The following CNTN6 variants were observed in gnomAD, a reference collection of about 807,000 sequenced individuals.
CNTN6 encodes the protein contactin 6.
Under a neutral mutation model 122.8 loss-of-function variants are expected in CNTN6, and 137 were observed. That is an observed-to-expected ratio of 1.12 (90% confidence interval 0.97 to 1.29). CNTN6 has a LOEUF of 1.29. Among genes scored for constraint, CNTN6 ranks in the 50% most tolerant of loss-of-function variants. CNTN6 has a pLI of 0.00. For synonymous variants in CNTN6, 570 were observed against 426.0 expected (o/e 1.34, Z -4.16); for missense variants, 1,634 against 1,223.4 (o/e 1.34, Z -5.01).
intron 4 of CNTN6, among the ~76,000 whole-genome samples, chr3:1,253,323 G>A (rs886241600): frequency 2.0e-5 from 3 of 152,020 alleles, no homozygotes; most frequent in Admixed American, 6.6e-5. Context: ...CTTGTTCTGC[G>A]AAAATTTGAG....
At chr3:1,204,139 A>T (rs1027864648) in intron 2 of CNTN6, among the ~76,000 whole-genome samples, 1 of 152,096 alleles carries the variant, frequency 6.6e-6, no homozygotes, top group Non-Finnish European at 1.5e-5. Context: ...ACTTTTTCCA[A>T]ATGTTTATGT....
At chr3:1,303,905 A>G (rs17037417) in intron 7 of CNTN6, among the ~76,000 whole-genome samples, 94,999 of 152,032 alleles carry the variant, frequency 0.62, 34,054 homozygotes, top group East Asian at 1. Context: ...GAATGCTTCA[A>G]ATGTTCACCA....
intron 2 of CNTN6, among the ~76,000 whole-genome samples, chr3:1,176,624 A>G (rs1013710212): frequency 2.6e-5 from 4 of 152,228 alleles, no homozygotes; most frequent in African/African-American, 9.6e-5. Flanking sequence ...ATTCAAGTAT[A>G]TAGAGAAGTT....
In CNTN6 at chr3:1,369,201, C is replaced by G. The variant is rs73094923; in HGVS notation, c.1493-3098C>G. 3.8e-3 allele frequency among the ~76,000 whole-genome samples: 584 copies of G among 152,268 alleles called. 2 individuals carry two copies. The highest frequency in any genetic ancestry group is 0.013 in the African/African-American group (554 of 41,538). ...CTTTTACTTCTCAGCGAAAACAGTT[C>G]TTTCTCCATAAACTGATCCCCTCAG... On this transcript the variant is annotated intron_variant, in intron 12 of 22. Coordinates refer to ENST00000446702, the MANE Select transcript of CNTN6 (RefSeq NM_001289080.2).
At chr3:1,293,567 T>C (rs1695693708) in intron 5 of CNTN6, among the ~76,000 whole-genome samples, 1 of 152,212 alleles carries the variant, frequency 6.6e-6, no homozygotes, top group Non-Finnish European at 1.5e-5. Flanking sequence ...TGCCATGTCT[T>C]GCTTCCGTGC....
At chr3:1,320,617 A>T (rs1334597548) in intron 7 of CNTN6, among the ~76,000 whole-genome samples, 1 of 151,768 alleles carries the variant, frequency 6.6e-6, no homozygotes, top group African/African-American at 2.4e-5. Context: ...TTAGAATAGA[A>T]TTATTCAAAT....
chr3:1,238,215 C>G (rs770084141), intron 4 of CNTN6, among the ~76,000 whole-genome samples: 2 of 152,074 alleles, frequency 1.3e-5, no homozygotes, highest in South Asian at 4.1e-4. Flanking sequence ...CAGAAGAACT[C>G]AAATTTACTT....
chr3:1,196,700 T>C (rs2093783485), intron 2 of CNTN6, among the ~76,000 whole-genome samples: 1 of 152,198 alleles, frequency 6.6e-6, no homozygotes, highest in Non-Finnish European at 1.5e-5. Context: ...CAATAAAGTG[T>C]CTGGTGATGG....
intron 12 of CNTN6, among the ~76,000 whole-genome samples, chr3:1,365,170 T>C (rs1289223335): frequency 6.6e-6 from 1 of 152,016 alleles, no homozygotes; most frequent in Non-Finnish European, 1.5e-5. Context: ...TCAGAGTCAA[T>C]AGAAGGCAAC....
intron 2 of CNTN6, among the ~76,000 whole-genome samples, chr3:1,159,639 T>A (rs973429790): frequency 2.0e-5 from 3 of 151,886 alleles, no homozygotes; most frequent in South Asian, 2.1e-4. Flanking sequence ...TAAAAATAAA[T>A]ACCTTAATAT....
intron 4 of CNTN6, among the ~76,000 whole-genome samples, chr3:1,241,931 G>A (rs2094490972): frequency 2.0e-5 from 3 of 152,212 alleles, no homozygotes. Context: ...GTAAGGTCAA[G>A]TTGTTTGGAC....
At chr3:1,251,087 C>G (rs1341365413) in intron 4 of CNTN6, among the ~76,000 whole-genome samples, 2 of 152,204 alleles carry the variant, frequency 1.3e-5, no homozygotes, top group African/African-American at 2.4e-5. Flanking sequence ...CATAATACTC[C>G]TGTCGAATAT....
chr3:1,391,764 G>GACAA (rs1208339144), intron 20 of CNTN6, among the ~76,000 whole-genome samples: 40 of 149,490 alleles, frequency 2.7e-4, no homozygotes, highest in Non-Finnish European at 5.2e-4. Flanking sequence ...ACCAACAACA[G>GACAA]ACAAACAGAG....
At position 1,403,390 on chromosome 3, in the gene CNTN6, A is replaced by T; in HGVS notation, c.3059A>T (p.His1020Leu). The T allele has an allele frequency of 1.2e-6, 2 of 1,610,630 alleles. No homozygotes were observed. The highest frequency in any genetic ancestry group is 1.1e-5 in the South Asian group (1 of 90,964). Residue 1020 changes from histidine (H) to leucine (L), a missense_variant, in exon 23 of 23, where the codon CAC (histidine) becomes CTC (leucine). Transcript: ENST00000446702. ...CTTTCCATTGTCATTGTGATTTTTCACTGTTTTGCTATTCAGCCACTTATC... is the reference window on the plus strand; with the variant it reads ...CTTTCCATTGTCATTGTGATTTTTCTCTGTTTTGCTATTCAGCCACTTATC... ...HFLSIVIVIF[H>L]CFAIQPLI is the part of the protein sequence containing the mutation.
At chr3:1,217,232 A>C (rs1312818771) in intron 2 of CNTN6, among the ~76,000 whole-genome samples, 1 of 152,134 alleles carries the variant, frequency 6.6e-6, no homozygotes, top group Non-Finnish European at 1.5e-5. Context: ...GTGGTCTGTA[A>C]AAGATCTTCC....
intron 4 of CNTN6, among the ~76,000 whole-genome samples, chr3:1,246,834 T>G (rs2087473333): frequency 6.6e-6 from 1 of 152,126 alleles, no homozygotes; most frequent in African/African-American, 2.4e-5. Flanking sequence ...TCCCTCCCCT[T>G]GGTTTCTAGG....
chr3:1,206,215 A>C (rs1196278356), intron 2 of CNTN6, among the ~76,000 whole-genome samples: 1 of 152,080 alleles, frequency 6.6e-6, no homozygotes, highest in Non-Finnish European at 1.5e-5. Context: ...CATTTCACAC[A>C]TACATCCCTC....
chr3:1,333,899 C>T (rs946421749), intron 11 of CNTN6, among the ~76,000 whole-genome samples: 1 of 152,100 alleles, frequency 6.6e-6, no homozygotes, highest in African/African-American at 2.4e-5. Context: ...TAATGGAGTA[C>T]ACGCTCAGCT....
At chr3:1,400,268 A>T (rs1695516758) in intron 20 of CNTN6, among the ~76,000 whole-genome samples, 1 of 152,090 alleles carries the variant, frequency 6.6e-6, no homozygotes, top group Non-Finnish European at 1.5e-5. Context: ...TCTCAAAAAT[A>T]GTCATGTGGA....
Sources: allele counts gnomAD v4.1 joint callset (sites outside exome capture counted in the v4.1 genomes callset), GRCh38; gene constraint gnomAD v4.1.1; transcripts MANE v1.5; gene names NCBI Gene and HGNC (gene_info 2026-07-23, HGNC 2026-07-21).